The following PIEZO2 variants were observed in gnomAD, a reference collection of about 807,000 sequenced individuals.
PIEZO2 encodes the protein piezo-type mechanosensitive ion channel component 2.
In PIEZO2, 172 loss-of-function variants were observed where a neutral mutation model predicts 337.3. The observed-to-expected ratio is 0.51, with a 90% CI of 0.45 to 0.58. The LOEUF (loss-of-function observed/expected upper bound fraction) is 0.58, where lower values mean the gene tolerates loss of function less well. Among genes scored for constraint, PIEZO2 ranks in the 20% least tolerant of loss-of-function variants. The probability of loss-of-function intolerance (pLI) is 0.00; values close to 1 mark genes in which losing one functional copy is unlikely to be tolerated. For missense variants in PIEZO2, 3,028 were observed against 3,391.3 expected (o/e 0.89, Z 2.66); for synonymous variants, 1,251 against 1,228.5 (o/e 1.02, Z -0.38).
chr18:10,924,242 C>A (rs893424165), intron 3 of PIEZO2, among the ~76,000 whole-genome samples: 1 of 152,164 alleles, frequency 6.6e-6, no homozygotes, highest in African/African-American at 2.4e-5. Context: ...TAATTTGGCG[C>A]ACCGTTATGT....
chr18:10,930,368 C>T (rs1463654928), intron 3 of PIEZO2, among the ~76,000 whole-genome samples: 1 of 152,230 alleles, frequency 6.6e-6, no homozygotes, highest in African/African-American at 2.4e-5. Context: ...TTCAACTCTT[C>T]AGGCAGAGCT....
At chr18:11,019,131 C>T (rs78576737) in intron 2 of PIEZO2, among the ~76,000 whole-genome samples, 2 of 152,168 alleles carry the variant, frequency 1.3e-5, no homozygotes, top group East Asian at 3.9e-4. Context: ...TCTCCATTGA[C>T]GTAGGTCCAA....
At chr18:10,989,471 C>T (rs1239315446) in intron 2 of PIEZO2, among the ~76,000 whole-genome samples, 1 of 147,392 alleles carries the variant, frequency 6.8e-6, no homozygotes, top group East Asian at 2.0e-4. Flanking sequence ...AAGCAATACG[C>T]AAAAACATAA....
At chr18:10,710,132 C>G (rs2035758730) in intron 39 of PIEZO2, among the ~76,000 whole-genome samples, 3 of 152,234 alleles carry the variant, frequency 2.0e-5, no homozygotes, top group Non-Finnish European at 4.4e-5. Flanking sequence ...CCTGTGCAGT[C>G]TCCTGCAGCT....
At chr18:10,705,971 A>T (rs1181000272) in intron 40 of PIEZO2, among the ~76,000 whole-genome samples, 1 of 152,146 alleles carries the variant, frequency 6.6e-6, no homozygotes, top group African/African-American at 2.4e-5. Context: ...CACAGTTTAG[A>T]ACCAGAGCCA....
intron 12 of PIEZO2, among the ~76,000 whole-genome samples, chr18:10,796,592 T>C (rs1488979817): frequency 6.6e-6 from 1 of 152,200 alleles, no homozygotes; most frequent in Non-Finnish European, 1.5e-5. Context: ...GTATTAATAC[T>C]TAAAAGGAGG....
At position 10,716,653 on chromosome 18, in the gene PIEZO2, G is replaced by A. The variant is rs963103689; in HGVS notation, c.5090-837C>T. On this transcript the variant is annotated intron_variant, in intron 37 of 55. Transcript: ENST00000674853. The surrounding 1 kb of genome is among the most constrained non-coding windows in gnomAD (Gnocchi z 4.1). ...CACGAGCACCTATGTTTCCCTCTCCGCCCCTCCTCACATCCTTTATAAAAT... is the reference window on the plus strand; with the variant it reads ...CACGAGCACCTATGTTTCCCTCTCCACCCCTCCTCACATCCTTTATAAAAT... Among the ~76,000 whole-genome samples the A allele has an allele frequency of 3.3e-5, 5 of 152,082 alleles. No homozygotes were observed. The highest frequency in any genetic ancestry group is 4.1e-4 in the South Asian group (2 of 4,828).
At chr18:10,898,680 G>A (rs377608842) in intron 4 of PIEZO2, among the ~76,000 whole-genome samples, 3 of 152,112 alleles carry the variant, frequency 2.0e-5, no homozygotes, top group African/African-American at 7.2e-5. Context: ...ATTGGAATGA[G>A]GCTTAAGATC....
intron 4 of PIEZO2, among the ~76,000 whole-genome samples, chr18:10,873,749 A>G (rs914503945): frequency 1.3e-5 from 2 of 152,182 alleles, no homozygotes; most frequent in African/African-American, 4.8e-5. Flanking sequence ...TCAATCTTCA[A>G]TCTAATCAGA....
At position 10,856,855 on chromosome 18, in the gene PIEZO2, T is replaced by C. The variant is rs892765987; in HGVS notation, c.703+146A>G. 23 of 759,494 alleles carry C rather than the reference T, an allele frequency of 3.0e-5. No individual in the cohort carries two copies. Among genetic ancestry groups the C allele is most frequent in the East Asian group, 8.1e-5 (3 of 37,092 alleles). The allele number at this position is 759,494 out of a possible 1,614,324, so 47.0% of individuals were successfully genotyped here. On this transcript the variant is annotated intron_variant, in intron 6 of 55. Transcript: ENST00000674853. The surrounding 1 kb of genome is among the most constrained non-coding windows in gnomAD (Gnocchi z 4.7). ...AAAATTATTTTGTGTGGTTTGTACA[T>C]GTGGCCAGTTTTACAAGAGCTACAG...
At chr18:10,886,084 A>T (rs1173003868) in intron 4 of PIEZO2, among the ~76,000 whole-genome samples, 1 of 151,504 alleles carries the variant, frequency 6.6e-6, no homozygotes, top group African/African-American at 2.4e-5. Flanking sequence ...AAAAGACAAA[A>T]TCACTAACAC....
chr18:11,000,372 G>T (rs1031300258), intron 2 of PIEZO2, among the ~76,000 whole-genome samples: 1 of 152,066 alleles, frequency 6.6e-6, no homozygotes, highest in East Asian at 1.9e-4. Flanking sequence ...TGGAACTATC[G>T]TTTATTACCC....
intron 52 of PIEZO2, 51 bp downstream of exon 52, chr18:10,680,148 A>C: frequency 6.8e-7 from 1 of 1,478,890 alleles, no homozygotes; most frequent in Non-Finnish European, 9.2e-7. Context: ...CCCCAACTCC[A>C]TGTTTAGACT....
intron 9 of PIEZO2, among the ~76,000 whole-genome samples, chr18:10,802,989 G>A (rs1003211256): frequency 2.1e-4 from 28 of 133,584 alleles, no homozygotes; most frequent in East Asian, 9.3e-4. Context: ...AAAAAAAAAA[G>A]GTATTTTAAT....
At chr18:11,024,295 C>T (rs1019078504) in intron 2 of PIEZO2, among the ~76,000 whole-genome samples, 70 of 152,142 alleles carry the variant, frequency 4.6e-4, no homozygotes, top group African/African-American at 1.5e-3. Flanking sequence ...CCTGTAATCC[C>T]AGCACTCTGG....
rs1202941277 is a variant in PIEZO2 at position 11,083,520 on chromosome 18, A to C, written c.65-17298T>G. Among the ~76,000 whole-genome samples the C allele has an allele frequency of 2.6e-5, 4 of 152,312 alleles. No homozygotes were observed. The East Asian group carries it at 7.7e-4, about 29-fold the overall frequency. The stretch of plus-strand genomic sequence containing the variant: ...CTAGAGAGAGGAGAAGCCTGTACAC[A>C]AAGGGGGAGCCACTCAGGTGGTGCC... On this transcript the variant is annotated intron_variant, in intron 1 of 55. Coordinates refer to ENST00000674853, the MANE Select transcript of PIEZO2 (RefSeq NM_001378183.1). This position sits in a 1 kb window ranked among gnomAD's most constrained non-coding sequence, Gnocchi z 4.4.
rs2032951161 is a variant in PIEZO2, at chr18:10,945,130, T to C, written c.287-33902A>G. ...GTGAATTCAGCCAAGTAGTGACCAGTACATGCATGTGAGGAAACTACCTGA... is the reference window on the plus strand; with the variant it reads ...GTGAATTCAGCCAAGTAGTGACCAGCACATGCATGTGAGGAAACTACCTGA... On this transcript the variant is annotated intron_variant, in intron 3 of 55. Transcript: ENST00000674853. The surrounding 1 kb of genome is among the most constrained non-coding windows in gnomAD (Gnocchi z 4.0). 6.6e-6 allele frequency among the ~76,000 whole-genome samples: 1 copy of C among 152,204 alleles called. No homozygotes were observed. The highest frequency in any genetic ancestry group is 1.5e-5 in the Non-Finnish European group (1 of 68,038).
Position 10,737,175 on chromosome 18 carries a change from C to T in PIEZO2, c.4709-465G>A, listed in dbSNP as rs76356726. 7.3e-3 allele frequency among the ~76,000 whole-genome samples: 1,108 copies of T among 151,824 alleles called. 17 individuals carry two copies. Among genetic ancestry groups the T allele is most frequent in the African/African-American group, 0.025 (1,045 of 41,322 alleles). On this transcript the variant is annotated intron_variant, in intron 33 of 55. Coordinates refer to ENST00000674853, the MANE Select transcript of PIEZO2 (RefSeq NM_001378183.1). Reference sequence around the variant, plus strand: ...ACCGTTGCAGATAAGCCAATCAGGACGATTCAGGACCAAGGTCAGTGTCAC... The same window carrying T: ...ACCGTTGCAGATAAGCCAATCAGGATGATTCAGGACCAAGGTCAGTGTCAC...
At chr18:11,107,229 G>A (rs899326491) in intron 1 of PIEZO2, among the ~76,000 whole-genome samples, 14 of 152,296 alleles carry the variant, frequency 9.2e-5, no homozygotes, top group Non-Finnish European at 1.0e-4. Flanking sequence ...AAAGGACTTA[G>A]AACAGTGCAC....
Sources: gnomAD v4.1 joint callset for allele counts (sites outside exome capture counted in the v4.1 genomes callset) on GRCh38, gnomAD v4.1.1 for gene constraint, Gnocchi (gnomAD v3.1) non-coding constraint, MANE v1.5 for transcripts, NCBI Gene and HGNC (gene_info 2026-07-23, HGNC 2026-07-21) for gene names.